LBH: variants seen among roughly 807,000 people sequenced by gnomAD.
LBH encodes the protein LBH regulator of Wnt signaling pathway.
In LBH, 7 loss-of-function variants were observed where a neutral mutation model predicts 12.5. The observed-to-expected ratio is 0.56, with a 90% CI of 0.32 to 1.05. The LOEUF is 1.05. Among genes scored for constraint, LBH ranks in the 50% least tolerant of loss-of-function variants. LBH has a pLI of 0.04. For synonymous variants in LBH, 51 were observed against 50.1 expected (o/e 1.02, Z -0.08); for missense variants, 119 against 138.9 (o/e 0.86, Z 0.72).
chr2:30,231,747 A>G lies in LBH; in HGVS notation c.9A>G (p.Ile3Met), dbSNP rs754056974. MS[I>M]YFPIHCPDYL... ...GCCTGCCCTAGGACTTCATGTCTAT[A>G]TATTTCCCCATTCACTGGTGAGTAC... Residue 3 changes from isoleucine (I) to methionine (M), a missense_variant, in exon 1 of 3, where the codon ATA (isoleucine) becomes ATG (methionine). By Grantham distance (10) the Ile-to-Met change is conservative. Coordinates refer to ENST00000395323, the MANE Select transcript of LBH (RefSeq NM_030915.4). The G allele has an allele frequency of 2.5e-6, 4 of 1,582,088 alleles. No homozygotes were observed. The highest frequency in any genetic ancestry group is 2.6e-6 in the Non-Finnish European group (3 of 1,165,234).
Position 30,231,680 on chromosome 2 carries a change from C to A in LBH, c.-59C>A. ...CGTCTGCGCCCGTGTCATCCTCACT[C>A]GGGACGCAGGGACCGTTTTTAAATC... is the stretch of plus-strand genomic sequence containing the variant. On this transcript the variant is annotated 5_prime_UTR_variant, in exon 1 of 3. Transcript: ENST00000395323. 6.5e-7 allele frequency: 1 copy of A among 1,542,388 alleles called. No individual in the cohort carries two copies. The highest frequency in any genetic ancestry group is 8.9e-7 in the Non-Finnish European group (1 of 1,124,778).
chr2:30,255,168 C>T (rs1184495015), intron 2 of LBH, among the ~76,000 whole-genome samples: 1 of 152,258 alleles, frequency 6.6e-6, no homozygotes, highest in Admixed American at 6.5e-5. Context: ...GTGGGCTTCC[C>T]TCCATCGGGG....
At chr2:30,243,625 G>A (rs1353208952) in intron 2 of LBH, among the ~76,000 whole-genome samples, 1 of 147,732 alleles carries the variant, frequency 6.8e-6, no homozygotes, top group African/African-American at 2.5e-5. Context: ...CCGCCTCCCT[G>A]GTTCAAGTGA....
intron 1 of LBH, chr2:30,232,134 G>T (rs1558384112): frequency 6.5e-7 from 1 of 1,545,810 alleles, no homozygotes. Context: ...TGCTCTTCCC[G>T]GGCCCCTCCT....
At chr2:30,242,528 C>A (rs1677808268) in intron 2 of LBH, among the ~76,000 whole-genome samples, 2 of 152,228 alleles carry the variant, frequency 1.3e-5, no homozygotes, top group Middle Eastern at 3.4e-3. Context: ...CAGGCGTGAG[C>A]CACCACGCCC....
intron 2 of LBH, among the ~76,000 whole-genome samples, chr2:30,239,498 G>C (rs1660921271): frequency 6.6e-6 from 1 of 152,198 alleles, no homozygotes; most frequent in Non-Finnish European, 1.5e-5. Flanking sequence ...CAAGTCCCAT[G>C]GTCACCAGGA....
At position 30,259,462 on chromosome 2, in the gene LBH, A is replaced by C. The variant is rs1678152234; in HGVS notation, c.*1841A>C. 1 of 152,508 alleles carries C rather than the reference A, an allele frequency of 6.6e-6. No individual in the cohort carries two copies. Among genetic ancestry groups the C allele is most frequent in the South Asian group, 2.1e-4 (1 of 4,804 alleles). 9.4% of individuals were successfully genotyped at this position (152,508 alleles called of 1,614,324 possible). ...CCCCGCTTCGTTCTGTTTTGGCTGC[A>C]GAGAGTGGTTCATCCATACTCTCAT... On this transcript the variant is annotated 3_prime_UTR_variant, in exon 3 of 3. Transcript: ENST00000395323.
At chr2:30,243,423 T>C (rs1247954063) in intron 2 of LBH, among the ~76,000 whole-genome samples, 2 of 152,216 alleles carry the variant, frequency 1.3e-5, no homozygotes, top group Non-Finnish European at 2.9e-5. Context: ...ATGCATGCTT[T>C]GTCTCTGAAC....
intron 2 of LBH, among the ~76,000 whole-genome samples, chr2:30,253,872 G>A (rs1055089679): frequency 1.3e-5 from 2 of 152,200 alleles, no homozygotes; most frequent in Admixed American, 6.5e-5. Flanking sequence ...GGTGTTTGGG[G>A]TTGAGAGGAC....
At position 30,234,460 on chromosome 2, in the gene LBH, A is replaced by G. The variant is rs773305596; in HGVS notation, c.82A>G (p.Met28Val). The part of the protein sequence containing the change: ...MTEVMMNTQP[M>V]EEIGLSPRKD... Reference sequence around the variant, plus strand: ...TGAGGTGATGATGAACACCCAGCCCATGGAGGAGATCGGCCTCAGCCCCCG... The same window carrying G: ...TGAGGTGATGATGAACACCCAGCCCGTGGAGGAGATCGGCCTCAGCCCCCG... Residue 28 changes from methionine to valine, a missense_variant, in exon 2 of 3, where the codon ATG becomes GTG. By Grantham distance (21) the Met-to-Val change is conservative. Coordinates refer to ENST00000395323, the MANE Select transcript of LBH (RefSeq NM_030915.4). 5.0e-6 allele frequency: 8 copies of G among 1,614,042 alleles called. No individual in the cohort carries two copies. Among genetic ancestry groups the G allele is most frequent in the South Asian group, 2.2e-5 (2 of 91,094 alleles).
rs1315635665 is a variant in LBH, at chr2:30,259,411, C to G, written c.*1790C>G. ...AGTGGGAGAGGCCGGCAGCCTGCAC[C>G]GAGAGGGGCTTTCCTCTCTCTTGCT... On this transcript the variant is annotated 3_prime_UTR_variant, in exon 3 of 3. Coordinates refer to ENST00000395323, the MANE Select transcript of LBH (RefSeq NM_030915.4). The G allele has an allele frequency of 6.5e-6, 1 of 152,802 alleles. No individual in the cohort carries two copies. Among genetic ancestry groups the G allele is most frequent in the Non-Finnish European group, 1.5e-5 (1 of 68,096 alleles). 9.5% of individuals were successfully genotyped at this position (152,802 alleles called of 1,614,324 possible).
chr2:30,259,905 G>C lies in LBH; in HGVS notation c.*2284G>C, dbSNP rs1042450547. ...ATTTCAGTAAAAATGCCTGTTGTGA[G>C]ATGAACCTCCTGTAACTTCTATCTG... On this transcript the variant is annotated 3_prime_UTR_variant, in exon 3 of 3. Transcript: ENST00000395323. The C allele has an allele frequency of 3.3e-5, 5 of 152,352 alleles. No individual in the cohort carries two copies. Among genetic ancestry groups the C allele is most frequent in the African/African-American group, 1.2e-4 (5 of 41,352 alleles). The allele number at this position is 152,352 out of a possible 1,614,324, so 9.4% of individuals were successfully genotyped here. A position where few individuals can be genotyped will look rare whatever the true frequency, so the allele number is the denominator to read the frequency against.
chr2:30,253,566 G>C (rs1443427836), intron 2 of LBH, among the ~76,000 whole-genome samples: 4 of 152,136 alleles, frequency 2.6e-5, no homozygotes, highest in African/African-American at 7.2e-5. Flanking sequence ...TGGCAGCTAA[G>C]CAGTATCAGA....
At chr2:30,251,692 T>TA (rs1406225083) in intron 2 of LBH, among the ~76,000 whole-genome samples, 2 of 138,058 alleles carry the variant, frequency 1.4e-5, no homozygotes, top group African/African-American at 2.8e-5. Context: ...AAAAAACTAA[T>TA]AAAAAATAAG....
In LBH at chr2:30,231,692, A is replaced by T; in HGVS notation, c.-47A>T. On this transcript the variant is annotated 5_prime_UTR_variant, in exon 1 of 3. Transcript: ENST00000395323. ...TGTCATCCTCACTCGGGACGCAGGG[A>T]CCGTTTTTAAATCACAGGGGCGTGT... is the stretch of plus-strand genomic sequence containing the variant. The T allele has an allele frequency of 6.4e-7, 1 of 1,572,596 alleles. No homozygotes were observed. Among genetic ancestry groups the T allele is most frequent in the Non-Finnish European group, 8.7e-7 (1 of 1,152,752 alleles).
At chr2:30,256,022 T>G (rs80218461) in intron 2 of LBH, among the ~76,000 whole-genome samples, 4,479 of 152,268 alleles carry the variant, frequency 0.029, 88 homozygotes, top group Non-Finnish European at 0.051. Context: ...AGTGCCTGAT[T>G]CTGGGAGCCC....
chr2:30,234,320 C>A, intron 1 of LBH, 85 bp from the exon 2 acceptor site: 1 of 1,050,270 alleles, frequency 9.5e-7, no homozygotes, highest in Admixed American at 1.7e-5. Context: ...AGACAGTCCC[C>A]TGATCCCACA....
chr2:30,238,855 G>A (rs1437194013), intron 2 of LBH, among the ~76,000 whole-genome samples: 6 of 148,346 alleles, frequency 4.0e-5, no homozygotes, highest in African/African-American at 1.5e-4. Flanking sequence ...GTCCCAAATA[G>A]CCACCTTCTT....
chr2:30,242,317 C>T (rs1677804368), intron 2 of LBH, among the ~76,000 whole-genome samples: 1 of 151,972 alleles, frequency 6.6e-6, no homozygotes, highest in South Asian at 2.1e-4. Flanking sequence ...AATCTCGGCT[C>T]ACTGCAACCT....
Sources: gnomAD v4.1 joint callset for allele counts (sites outside exome capture counted in the v4.1 genomes callset) on GRCh38, gnomAD v4.1.1 for gene constraint, MANE v1.5 for transcripts, NCBI Gene and HGNC (gene_info 2026-07-23, HGNC 2026-07-21) for gene names.